SLC7A5: variants seen among roughly 807,000 people sequenced by gnomAD.
SLC7A5 encodes solute carrier family 7 member 5.
Under a neutral mutation model 50.2 loss-of-function variants are expected in SLC7A5, and 23 were observed. The ratio of observed to expected loss-of-function variants is 0.46; its 90% confidence interval spans 0.33 to 0.65. The LOEUF (loss-of-function observed/expected upper bound fraction) is 0.65. SLC7A5 is among the 30% of genes least tolerant of loss of function. SLC7A5 has a pLI of 0.02. For synonymous variants in SLC7A5, 393 were observed against 330.6 expected, an observed-to-expected ratio of 1.19 and a Z score of -2.05; for missense variants, 578 against 684.4, an observed-to-expected ratio of 0.84 and a Z score of 1.73.
chr16:87,832,767 C>G lies in SLC7A5; in HGVS notation c.*203G>C. 1.7e-6 allele frequency: 1 copy of G among 589,474 alleles called. No homozygotes were observed. Among genetic ancestry groups the G allele is most frequent in the Non-Finnish European group, 3.1e-6 (1 of 319,248 alleles). 36.5% of individuals were successfully genotyped at this position (589,474 alleles called of 1,614,324 possible). On this transcript the variant is annotated 3_prime_UTR_variant, in exon 10 of 10. Transcript: ENST00000261622. This position sits in a 1 kb window ranked among gnomAD's most constrained non-coding sequence, Gnocchi z 4.6. ...CTCCTGGGCAGGAGCACAGGCACAC[C>G]TGGGTCCCTGGCCCTCAGTTGAGGG...
intron 2 of SLC7A5, among the ~76,000 whole-genome samples, chr16:87,847,268 C>T (rs901731322): frequency 6.6e-6 from 1 of 152,228 alleles, no homozygotes; most frequent in Non-Finnish European, 1.5e-5. Flanking sequence ...CTCACCAGAA[C>T]AGCCCAGCAG....
chr16:87,840,646 G>C (rs1023640164), intron 3 of SLC7A5, among the ~76,000 whole-genome samples, 173 bp from the exon 4 acceptor site: 1 of 152,154 alleles, frequency 6.6e-6, no homozygotes, highest in Non-Finnish European at 1.5e-5. Flanking sequence ...GTTCCGGGGG[G>C]TCCCTGCTAC....
rs1336397234 is a variant in SLC7A5, at chr16:87,862,363, T to C, written c.538+6522A>G. On this transcript the variant is annotated intron_variant, in intron 1 of 9. Coordinates refer to ENST00000261622, the MANE Select transcript of SLC7A5 (RefSeq NM_003486.7). The surrounding 1 kb of genome is among the most constrained non-coding windows in gnomAD (Gnocchi z 5.3). ...GGCCTTTGAGTCCACTGACCACAGCTAAGCCCACAGCCATCAAAACCCACC... is the reference window on the plus strand; with the variant it reads ...GGCCTTTGAGTCCACTGACCACAGCCAAGCCCACAGCCATCAAAACCCACC... Among the ~76,000 whole-genome samples, 9 of 152,296 alleles carry C rather than the reference T, an allele frequency of 5.9e-5. 1 individual carries two copies. Among genetic ancestry groups the C allele is most frequent in the Admixed American group, 5.9e-4 (9 of 15,302 alleles).
chr16:87,834,646 C>T (rs2054975028), intron 8 of SLC7A5, 55 bp from the exon 9 acceptor site: 1 of 1,548,178 alleles, frequency 6.5e-7, no homozygotes, highest in Non-Finnish European at 8.7e-7. Context: ...CTCCCTCCCC[C>T]ATGCCCCGAG....
chr16:87,854,158 G>A (rs541003832), intron 1 of SLC7A5, among the ~76,000 whole-genome samples: 13 of 151,044 alleles, frequency 8.6e-5, no homozygotes, highest in East Asian at 2.0e-4. Context: ...AGGGGCTGAC[G>A]GGTGCCACCG....
rs2055086881 is a variant in SLC7A5 at position 87,841,877 on chromosome 16, A to T, written c.665-722T>A. 6.6e-6 allele frequency among the ~76,000 whole-genome samples: 1 copy of T among 152,236 alleles called. No homozygotes were observed. Among genetic ancestry groups the T allele is most frequent in the African/African-American group, 2.4e-5 (1 of 41,466 alleles). On this transcript the variant is annotated intron_variant, in intron 2 of 9. Transcript: ENST00000261622. The surrounding 1 kb of genome is among the most constrained non-coding windows in gnomAD (Gnocchi z 4.8). Reference sequence around the variant, plus strand: ...ACTTGAACTTCAGTCACATCTGCGAAGACCCTTTTTCCAAATAAGGCCACC... The same window carrying T: ...ACTTGAACTTCAGTCACATCTGCGATGACCCTTTTTCCAAATAAGGCCACC...
At chr16:87,851,568 C>G (rs1158843068) in intron 2 of SLC7A5, among the ~76,000 whole-genome samples, 156 bp downstream of exon 2, 1 of 152,268 alleles carries the variant, frequency 6.6e-6, no homozygotes, top group Non-Finnish European at 1.5e-5. Flanking sequence ...TCGGATTTCA[C>G]TTGCTGGGTG....
At chr16:87,866,577 T>C (rs1293803501) in intron 1 of SLC7A5, among the ~76,000 whole-genome samples, 1 of 152,072 alleles carries the variant, frequency 6.6e-6, no homozygotes, top group Non-Finnish European at 1.5e-5. Context: ...GTGATTCTCC[T>C]GCCTCAGCCT....
rs1271804317 is a variant in SLC7A5 at position 87,852,451 on chromosome 16, G to GC, written c.539-603dup. 1.3e-5 allele frequency among the ~76,000 whole-genome samples: 2 copies of GC among 152,188 alleles called. No homozygotes were observed. The highest frequency in any genetic ancestry group is 4.8e-5 in the African/African-American group (2 of 41,452). ...TGAGCAGAGCAGACCCTGCTGCCCTGCTGCTTTGGGGGCATACGATGAAAC... is the reference window on the plus strand; with the variant it reads ...TGAGCAGAGCAGACCCTGCTGCCCTGCCTGCTTTGGGGGCATACGATGAAAC... On this transcript the variant is annotated intron_variant, in intron 1 of 9. Transcript: ENST00000261622. The surrounding 1 kb of genome is among the most constrained non-coding windows in gnomAD (Gnocchi z 4.5).
At chr16:87,836,954 T>C (rs1007842272) in intron 7 of SLC7A5, 4 of 433,936 alleles carry the variant, frequency 9.2e-6, no homozygotes, top group Admixed American at 7.0e-5. Flanking sequence ...ACAGTGTACA[T>C]ACACAGCTGG....
At chr16:87,834,305 C>T in intron 9 of SLC7A5, 109 bp downstream of exon 9, 1 of 1,101,632 alleles carries the variant, frequency 9.1e-7, no homozygotes, top group Non-Finnish European at 1.4e-6. Flanking sequence ...AACCCTCCTG[C>T]CACCCAACAC....
chr16:87,864,270 C>T (rs1019219714), intron 1 of SLC7A5, among the ~76,000 whole-genome samples: 2 of 151,414 alleles, frequency 1.3e-5, no homozygotes, highest in Admixed American at 1.3e-4. Context: ...CCAGCCTGGA[C>T]AAAAAGAGCG....
rs1387070858 is a variant in SLC7A5, at chr16:87,830,755, C to G, written c.*2215G>C. On this transcript the variant is annotated 3_prime_UTR_variant, in exon 10 of 10. Coordinates refer to ENST00000261622, the MANE Select transcript of SLC7A5 (RefSeq NM_003486.7). ...GCCCCAGCCATTTCACTAGCAGCTA[C>G]TTTCCACAACAGACGCTGGCAGCCC... The G allele has an allele frequency of 3.3e-5, 5 of 152,444 alleles. No individual in the cohort carries two copies. The highest frequency in any genetic ancestry group is 1.2e-4 in the African/African-American group (5 of 41,460). 9.4% of individuals were successfully genotyped at this position (152,444 alleles called of 1,614,324 possible).
At chr16:87,868,388 C>T (rs2055490174) in intron 1 of SLC7A5, among the ~76,000 whole-genome samples, 1 of 152,214 alleles carries the variant, frequency 6.6e-6, no homozygotes, top group Non-Finnish European at 1.5e-5. Context: ...GTTATTACTA[C>T]TGTTTTCTTA....
rs2054957679 is a variant in SLC7A5, at chr16:87,833,470, G to A, written c.1469-445C>T. Among the ~76,000 whole-genome samples, 1 of 152,224 alleles carries A rather than the reference G, an allele frequency of 6.6e-6. No homozygotes were observed. The highest frequency in any genetic ancestry group is 1.5e-5 in the Non-Finnish European group (1 of 68,038). Reference sequence around the variant, plus strand: ...GGTCCTCGGAAGACCTGTCGCGCCTGGGACTGTCTACAGAGACATCACTCT... The same window carrying A: ...GGTCCTCGGAAGACCTGTCGCGCCTAGGACTGTCTACAGAGACATCACTCT... On this transcript the variant is annotated intron_variant, in intron 9 of 9. Transcript: ENST00000261622. The surrounding 1 kb of genome is among the most constrained non-coding windows in gnomAD (Gnocchi z 6.0).
Position 87,841,184 on chromosome 16 carries a change from G to C in SLC7A5, c.665-29C>G, listed in dbSNP as rs768842302. ...GCAGGGCCAAAGAAAGGAATGCTGG[G>C]TTAGAGAGCGCTGAACAGAGGTCAT... On this transcript the variant is annotated intron_variant, in intron 2 of 9. Transcript: ENST00000261622. The surrounding 1 kb of genome is among the most constrained non-coding windows in gnomAD (Gnocchi z 4.8). 1 of 1,443,876 alleles carries C rather than the reference G, an allele frequency of 6.9e-7. No individual in the cohort carries two copies. The highest frequency in any genetic ancestry group is 9.8e-7 in the Non-Finnish European group (1 of 1,025,116). 89.4% of individuals were successfully genotyped at this position (1,443,876 alleles called of 1,614,324 possible).
Position 87,853,923 on chromosome 16 carries a change from ACG to A in SLC7A5, c.539-2076_539-2075del. 6.9e-6 allele frequency: 1 copy of A among 143,976 alleles called. No individual in the cohort carries two copies. The highest frequency in any genetic ancestry group is 1.6e-5 in the Non-Finnish European group (1 of 64,130). 8.9% of individuals were successfully genotyped at this position (143,976 alleles called of 1,614,324 possible). On this transcript the variant is annotated intron_variant, in intron 1 of 9. Transcript: ENST00000261622. The surrounding 1 kb of genome is among the most constrained non-coding windows in gnomAD (Gnocchi z 4.4). ...CGCGGCTGTCACGTCTGCGGCTGTC[ACG>A]TCTGCTAGGGGGTTGGGGGGTCCAG...
chr16:87,868,789 G>C (rs759155580), intron 1 of SLC7A5, 96 bp downstream of exon 1: 1 of 1,262,858 alleles, frequency 7.9e-7, no homozygotes, highest in Non-Finnish European at 1.1e-6. Context: ...GGAACGTAAA[G>C]ATGTAGAGAT....
chr16:87,839,566 T>C (rs2055057102), intron 5 of SLC7A5, 136 bp downstream of exon 5: 1 of 1,199,372 alleles, frequency 8.3e-7, no homozygotes, highest in Admixed American at 1.8e-5. Context: ...CCCCTCCGGG[T>C]AGGGGAGGCT....
Sources: allele counts gnomAD v4.1 joint callset (sites outside exome capture counted in the v4.1 genomes callset), GRCh38; gene constraint gnomAD v4.1.1; non-coding constraint Gnocchi (gnomAD v3.1); transcripts MANE v1.5; gene names NCBI Gene and HGNC (gene_info 2026-07-23, HGNC 2026-07-21).